The following NCAPD3 variants were observed in gnomAD, a reference collection of about 807,000 sequenced individuals.
The protein encoded by NCAPD3 is non-SMC condensin II complex subunit D3.
NCAPD3 carries 105 observed loss-of-function variants against 182.9 expected under a neutral mutation model. The ratio of observed to expected loss-of-function variants is 0.57; its 90% confidence interval spans 0.49 to 0.68. NCAPD3 has a LOEUF of 0.68. NCAPD3 is among the 30% of genes least tolerant of loss of function. NCAPD3 has a pLI of 0.00. For missense variants in NCAPD3, 1,944 were observed against 1,837.0 expected, an observed-to-expected ratio of 1.06 and a Z score of -1.07; for synonymous variants, 815 against 679.9, an observed-to-expected ratio of 1.20 and a Z score of -3.09.
chr11:134,185,308 T>C (rs747881076), intron 17 of NCAPD3, 27 bp downstream of exon 17: 2 of 1,562,006 alleles, frequency 1.3e-6, no homozygotes, highest in Admixed American at 2.0e-5. Flanking sequence ...TTCAGTGTCA[T>C]TACTGGTTAA....
Position 134,152,829 on chromosome 11 carries a change from A to T in NCAPD3, c.*115T>A. ...CCCTGAGGAGGAGCTCTCGTGTTCC[A>T]CAGCAAAGCGCTGCCCAAGGACTGC... On this transcript the variant is annotated 3_prime_UTR_variant, in exon 35 of 35. Transcript: ENST00000534548. The T allele has an allele frequency of 1.2e-6, 1 of 816,462 alleles. No individual in the cohort carries two copies. The highest frequency in any genetic ancestry group is 2.0e-6 in the Non-Finnish European group (1 of 510,318). 50.6% of individuals were successfully genotyped at this position (816,462 alleles called of 1,614,324 possible). A position where few individuals can be genotyped will look rare whatever the true frequency, so the allele number is the denominator to read the frequency against.
Position 134,168,061 on chromosome 11 carries a change from C to T in NCAPD3, c.3508G>A (p.Glu1170Lys). 1.2e-6 allele frequency: 2 copies of T among 1,614,152 alleles called. No individual in the cohort carries two copies. The highest frequency in any genetic ancestry group is 1.7e-6 in the Non-Finnish European group (2 of 1,179,996). The part of the protein sequence containing the change: ...RSKPDKDLLM[E>K]EDDMALANVV... ...TTTGCCAAGGCCATGTCATCTTCTT[C>T]CATAAGGAGGTCTTTGTCTGGTTTA... Residue 1170 changes from glutamate (E) to lysine (K), a missense_variant, in exon 27 of 35, where the codon GAA (glutamate) becomes AAA (lysine). Physicochemically the swap from Glu to Lys is moderately conservative, Grantham distance 56. Around this residue, in one of 3 missense-constraint regions of NCAPD3, gnomAD observed 1,803 missense variants for 1,674.6 expected, o/e 1.08. Coordinates refer to ENST00000534548, the MANE Select transcript of NCAPD3 (RefSeq NM_015261.3).
rs1374518381 is a variant in NCAPD3 at position 134,177,206 on chromosome 11, C to A, written c.3021+13G>T. ...GGTGAAGGGGAAAGGACAGATTGAACCCCCCTACGCACCTGCAAGAGATTG... is the reference window on the plus strand; with the variant it reads ...GGTGAAGGGGAAAGGACAGATTGAAACCCCCTACGCACCTGCAAGAGATTG... On this transcript the variant is annotated intron_variant, in intron 23 of 34. Transcript: ENST00000534548. 2 of 1,586,912 alleles carry A rather than the reference C, an allele frequency of 1.3e-6. No homozygotes were observed. The highest frequency in any genetic ancestry group is 2.2e-5 in the East Asian group (1 of 44,708).
intron 29 of NCAPD3, among the ~76,000 whole-genome samples, chr11:134,159,656 C>T (rs1338162703): frequency 6.6e-6 from 1 of 152,236 alleles, no homozygotes; most frequent in African/African-American, 2.4e-5. Flanking sequence ...TCACCAGCTA[C>T]TGCTGCTGCC....
At chr11:134,225,373 C>G, upstream of NCAPD3, 1 of 1,610,324 alleles carries the variant, frequency 6.2e-7, no homozygotes, top group Admixed American at 1.7e-5. Context: ...ACCCCCTCCC[C>G]CAGCGCCGAC....
intron 2 of NCAPD3, among the ~76,000 whole-genome samples, chr11:134,220,180 ATTTTTCCTTTTTT>A (rs1334853802): frequency 6.8e-6 from 1 of 146,360 alleles, no homozygotes; most frequent in Non-Finnish European, 1.5e-5. Flanking sequence ...TTGCCTTTAT[ATTTTTCCTTTTTT>A]TTTTTCCTTC....
intron 16 of NCAPD3, 77 bp downstream of exon 16, chr11:134,192,612 A>G (rs1944546220): frequency 2.3e-6 from 3 of 1,289,118 alleles, no homozygotes; most frequent in Non-Finnish European, 3.3e-6. Context: ...TTTTTCGAGG[A>G]CCAATAGGAG....
At chr11:134,185,621 G>A (rs1270410699) in intron 16 of NCAPD3, 95 bp from the exon 17 acceptor site, 1 of 1,010,850 alleles carries the variant, frequency 9.9e-7, no homozygotes, top group Admixed American at 2.7e-5. Context: ...AACTTCTGCT[G>A]CTCCAGGACT....
intron 13 of NCAPD3, among the ~76,000 whole-genome samples, chr11:134,197,718 T>C (rs1944666128): frequency 6.6e-6 from 1 of 152,204 alleles, no homozygotes; most frequent in African/African-American, 2.4e-5. Flanking sequence ...ATCCCAGGAA[T>C]GAAATGTCAA....
At chr11:134,165,705 G>C (rs145404157) in intron 27 of NCAPD3, among the ~76,000 whole-genome samples, 1,610 of 134,574 alleles carry the variant, frequency 0.012, 27 homozygotes, top group African/African-American at 0.042. Flanking sequence ...CTTGGGGGAG[G>C]CGCACACTCG....
At chr11:134,167,108 G>C (rs1943851502) in intron 27 of NCAPD3, among the ~76,000 whole-genome samples, 1 of 109,236 alleles carries the variant, frequency 9.2e-6, no homozygotes, top group Non-Finnish European at 1.8e-5. Context: ...GCTTGGGGGA[G>C]CTGCACACTC....
chr11:134,159,905 G>T lies in NCAPD3; in HGVS notation c.3854C>A (p.Ala1285Glu), dbSNP rs1192018095. The stretch of plus-strand genomic sequence containing the variant: ...CCCCACACCTACCTGTGCCACAGGT[G>T]CCACCTCAGCACCTCCAGCCGTCCC... ...VAGTAGGAEVAPVAQVALCLE... is the reference protein window; with the variant it reads ...VAGTAGGAEVEPVAQVALCLE... The change falls in exon 29 of 35, where the codon GCA becomes GAA. Residue 1285 changes from alanine (A) to glutamate (E), a missense_variant. Ala to Glu is a moderately radical substitution (Grantham distance 107, BLOSUM62 -1). Around this residue, in one of 3 missense-constraint regions of NCAPD3, gnomAD observed 1,803 missense variants for 1,674.6 expected, o/e 1.08. Coordinates refer to ENST00000534548, the MANE Select transcript of NCAPD3 (RefSeq NM_015261.3). The T allele has an allele frequency of 1.2e-6, 2 of 1,612,686 alleles. No homozygotes were observed. Among genetic ancestry groups the T allele is most frequent in the African/African-American group, 1.3e-5 (1 of 75,048 alleles).
rs1943283388 is a variant in NCAPD3, at chr11:134,152,644, G to A, written c.*300C>T. On this transcript the variant is annotated 3_prime_UTR_variant, in exon 35 of 35. Transcript: ENST00000534548. ...CAGTTTTAAAGTTGTGTTCCTTAAA[G>A]ACCAGATTATAGCTTATCTGAATGG... 2 of 264,410 alleles carry A rather than the reference G, an allele frequency of 7.6e-6. No homozygotes were observed. The highest frequency in any genetic ancestry group is 2.2e-5 in the African/African-American group (1 of 45,454). 16.4% of individuals were successfully genotyped at this position (264,410 alleles called of 1,614,324 possible). A position where few individuals can be genotyped will look rare whatever the true frequency, so the allele number is the denominator to read the frequency against.
chr11:134,204,754 C>T lies in NCAPD3; in HGVS notation c.1089+145G>A. On this transcript the variant is annotated intron_variant, in intron 9 of 34. Coordinates refer to ENST00000534548, the MANE Select transcript of NCAPD3 (RefSeq NM_015261.3). The surrounding 1 kb of genome is among the most constrained non-coding windows in gnomAD (Gnocchi z 4.3). Reference sequence around the variant, plus strand: ...AGAACACTTTTGTCTAGGGGACCATCTAGTGAACATTAAATAAAACCACTT... The same window carrying T: ...AGAACACTTTTGTCTAGGGGACCATTTAGTGAACATTAAATAAAACCACTT... 1.6e-6 allele frequency: 1 copy of T among 624,930 alleles called. No homozygotes were observed. Among genetic ancestry groups the T allele is most frequent in the Non-Finnish European group, 2.7e-6 (1 of 376,780 alleles). The allele number at this position is 624,930 out of a possible 1,614,324, so 38.7% of individuals were successfully genotyped here. A position where few individuals can be genotyped will look rare whatever the true frequency, so the allele number is the denominator to read the frequency against.
At position 134,208,932 on chromosome 11, in the gene NCAPD3, AT is replaced by A; in HGVS notation, c.813del (p.Lys271AsnfsTer36). 5 of 1,610,316 alleles carry A rather than the reference AT, an allele frequency of 3.1e-6. No homozygotes were observed. The highest frequency in any genetic ancestry group is 4.2e-6 in the Non-Finnish European group (5 of 1,178,564). ...VTQARALNQAKYIPELAYYGL... is the reference protein window; with the variant it reads ...VTQARALNQAXYIPELAYYGL... ...CCATAATAAGCCAGTTCTGGTATGT[AT>A]TTTGCTTGGTTAAGAGCTCTAAAAA... is the stretch of plus-strand genomic sequence containing the variant. On this transcript the variant is annotated frameshift_variant, in exon 7 of 35. Transcript: ENST00000534548. LOFTEE classifies it high-confidence loss of function.
Position 134,164,304 on chromosome 11 carries a change from G to C in NCAPD3, c.3574-2413C>G, listed in dbSNP as rs147899068. Among the ~76,000 whole-genome samples the C allele has an allele frequency of 1.5e-4, 23 of 152,372 alleles. No individual in the cohort carries two copies. The East Asian group carries it at 4.2e-3, about 28-fold the overall frequency. On this transcript the variant is annotated intron_variant, in intron 27 of 34. Coordinates refer to ENST00000534548, the MANE Select transcript of NCAPD3 (RefSeq NM_015261.3). ...TGGGAGAAAGAGGAGATGAAGAGCAGAAAGAAGAGATGACTGAGGGAGTTT... is the reference window on the plus strand; with the variant it reads ...TGGGAGAAAGAGGAGATGAAGAGCACAAAGAAGAGATGACTGAGGGAGTTT...
intron 32 of NCAPD3, among the ~76,000 whole-genome samples, chr11:134,155,103 T>C (rs994293367): frequency 8.5e-5 from 13 of 152,312 alleles, no homozygotes; most frequent in African/African-American, 3.1e-4. Flanking sequence ...CAGCAGCGTC[T>C]GTGCCACCCG....
intron 8 of NCAPD3, 54 bp from the exon 9 acceptor site, chr11:134,205,025 CA>C: frequency 2.3e-6 from 3 of 1,317,064 alleles, no homozygotes; most frequent in Non-Finnish European, 1.1e-6. Flanking sequence ...CGACTGTCCC[CA>C]AAAACCACTA....
intron 16 of NCAPD3, among the ~76,000 whole-genome samples, chr11:134,190,507 G>A (rs1406939170): frequency 1.3e-5 from 2 of 151,948 alleles, no homozygotes; most frequent in African/African-American, 4.8e-5. Flanking sequence ...ATTTTTTTGA[G>A]ATGAGGTCTT....
Sources: gnomAD v4.1 joint callset for allele counts (sites outside exome capture counted in the v4.1 genomes callset) on GRCh38, gnomAD v4.1.1 for gene constraint, gnomAD v4.1.1 regional missense constraint, Gnocchi (gnomAD v3.1) non-coding constraint, MANE v1.5 for transcripts, NCBI Gene and HGNC (gene_info 2026-07-23, HGNC 2026-07-21) for gene names.